MACROD2: variants seen among roughly 807,000 people sequenced by gnomAD.
MACROD2 encodes the protein mono-ADP ribosylhydrolase 2.
A neutral mutation model predicts 70.4 loss-of-function variants in MACROD2; 36 were observed. That is an observed-to-expected ratio of 0.51 (90% confidence interval 0.39 to 0.68). The LOEUF is 0.68. MACROD2 is among the 30% of genes least tolerant of loss of function. The pLI is 0.00. For synonymous variants in MACROD2, 172 were observed against 178.8 expected (o/e 0.96, Z 0.30); for missense variants, 496 against 538.4 (o/e 0.92, Z 0.78).
In MACROD2 at chr20:14,626,541, A is replaced by G. The variant is rs560120978; in HGVS notation, c.302-58302A>G. ...CTTTCCACTTTTAGATATTTGGGCT[A>G]TGTTTACCTAGAATTCCTGGTTCTA... is the stretch of plus-strand genomic sequence containing the variant. On this transcript the variant is annotated intron_variant, in intron 4 of 17. Transcript: ENST00000684519. Among the ~76,000 whole-genome samples the G allele has an allele frequency of 1.6e-4, 25 of 152,254 alleles. No individual in the cohort carries two copies. The South Asian group carries it at 5.2e-3, about 32-fold the overall frequency.
intron 5 of MACROD2, among the ~76,000 whole-genome samples, chr20:15,177,182 C>T (rs1191708819): frequency 6.6e-6 from 1 of 152,168 alleles, no homozygotes; most frequent in African/African-American, 2.4e-5. Context: ...GCCTGCTGGG[C>T]CGAGTGGGTG....
At chr20:15,693,462 G>A (rs546223884) in intron 8 of MACROD2, among the ~76,000 whole-genome samples, 1 of 152,216 alleles carries the variant, frequency 6.6e-6, no homozygotes, top group South Asian at 2.1e-4. Flanking sequence ...CTTGATGATT[G>A]GCAACTGATA....
At chr20:16,011,747 CT>C (rs1408127212) in intron 15 of MACROD2, among the ~76,000 whole-genome samples, 2 of 152,234 alleles carry the variant, frequency 1.3e-5, no homozygotes, top group South Asian at 4.1e-4. Flanking sequence ...CTTAGTATCC[CT>C]GCTGTGATCA....
At chr20:15,151,413 C>A (rs1319077558) in intron 5 of MACROD2, among the ~76,000 whole-genome samples, 1 of 152,024 alleles carries the variant, frequency 6.6e-6, no homozygotes, top group African/African-American at 2.4e-5. Flanking sequence ...CAAGGAATTG[C>A]AACTCAGAAA....
intron 2 of MACROD2, among the ~76,000 whole-genome samples, chr20:14,033,781 A>G (rs918624747): frequency 4.6e-5 from 7 of 152,194 alleles, no homozygotes; most frequent in East Asian, 1.9e-4. Context: ...ATTTACTGCT[A>G]TATTCCAGAA....
intron 3 of MACROD2, among the ~76,000 whole-genome samples, chr20:14,091,384 T>C (rs1464468506): frequency 1.3e-5 from 2 of 152,130 alleles, no homozygotes; most frequent in Non-Finnish European, 2.9e-5. Context: ...AAGTTTTAGA[T>C]ATACAGGAGG....
chr20:15,392,091 T>C (rs1043694437), intron 6 of MACROD2, among the ~76,000 whole-genome samples: 9 of 152,144 alleles, frequency 5.9e-5, no homozygotes, highest in African/African-American at 1.9e-4. Flanking sequence ...GTTTATTTAA[T>C]TAATTTTACT....
At chr20:14,876,019 T>G (rs2073546735) in intron 5 of MACROD2, among the ~76,000 whole-genome samples, 1 of 152,144 alleles carries the variant, frequency 6.6e-6, no homozygotes, top group Non-Finnish European at 1.5e-5. Flanking sequence ...GTAGTTCTGT[T>G]TTAAATTATT....
intron 1 of MACROD2, among the ~76,000 whole-genome samples, chr20:13,997,677 C>G (rs6110119): frequency 6.6e-6 from 1 of 151,768 alleles, no homozygotes; most frequent in African/African-American, 2.4e-5. Context: ...ATTTTTTTTC[C>G]TAAGGAAGCA....
intron 6 of MACROD2, among the ~76,000 whole-genome samples, chr20:15,235,605 G>T (rs892436509): frequency 6.6e-6 from 1 of 152,198 alleles, no homozygotes; most frequent in African/African-American, 2.4e-5. Flanking sequence ...ATTTTAAGGC[G>T]TAGTCAAGTG....
chr20:15,707,595 C>A (rs2050554524), intron 8 of MACROD2, among the ~76,000 whole-genome samples: 1 of 152,008 alleles, frequency 6.6e-6, no homozygotes, highest in Admixed American at 6.6e-5. Flanking sequence ...ACCAGCCTGG[C>A]CAACATGGGG....
intron 5 of MACROD2, among the ~76,000 whole-genome samples, chr20:15,000,327 T>C (rs2074982983): frequency 6.7e-6 from 1 of 150,140 alleles, no homozygotes; most frequent in African/African-American, 2.5e-5. Context: ...TATAACTTCA[T>C]CAAGAGGTAG....
intron 5 of MACROD2, among the ~76,000 whole-genome samples, chr20:14,811,354 A>T (rs151167489): frequency 0.072 from 11,018 of 152,228 alleles, 562 homozygotes; most frequent in East Asian, 0.2. Flanking sequence ...TCCCTATTTA[A>T]TAAATGGTGT....
At chr20:15,023,017 T>C (rs1321352890) in intron 5 of MACROD2, 2 of 152,044 alleles carry the variant, frequency 1.3e-5, no homozygotes, top group Non-Finnish European at 2.9e-5. Flanking sequence ...TTCCAGAGTG[T>C]CATATAGAGT....
intron 9 of MACROD2, among the ~76,000 whole-genome samples, chr20:15,863,157 T>C (rs1184048129): frequency 6.6e-6 from 1 of 152,114 alleles, no homozygotes; most frequent in East Asian, 1.9e-4. Context: ...CTTCTCCAAC[T>C]TGTAAGTTTA....
At chr20:15,774,903 T>A (rs1217970941) in intron 8 of MACROD2, among the ~76,000 whole-genome samples, 1 of 152,142 alleles carries the variant, frequency 6.6e-6, no homozygotes, top group African/African-American at 2.4e-5. Flanking sequence ...CTCACACCCA[T>A]TTAAATTGGT....
intron 10 of MACROD2, among the ~76,000 whole-genome samples, chr20:15,916,249 C>G (rs1235957674): frequency 6.6e-6 from 1 of 152,182 alleles, no homozygotes; most frequent in African/African-American, 2.4e-5. Flanking sequence ...CCAGAGACAG[C>G]ACTCCCTTGC....
intron 2 of MACROD2, among the ~76,000 whole-genome samples, chr20:14,049,862 T>A (rs371796002): frequency 6.6e-6 from 1 of 152,042 alleles, no homozygotes; most frequent in African/African-American, 2.4e-5. Flanking sequence ...GGCAGGCAGA[T>A]CACCTGAGTT....
chr20:15,970,575 A>G (rs1328700560), intron 13 of MACROD2, among the ~76,000 whole-genome samples: 1 of 152,122 alleles, frequency 6.6e-6, no homozygotes, highest in Non-Finnish European at 1.5e-5. Flanking sequence ...GCTGTGGTAC[A>G]GAGAGGAGGA....
Sources: gnomAD v4.1 joint callset for allele counts (sites outside exome capture counted in the v4.1 genomes callset) on GRCh38, gnomAD v4.1.1 for gene constraint, MANE v1.5 for transcripts, NCBI Gene and HGNC (gene_info 2026-07-23, HGNC 2026-07-21) for gene names.